Variants in PTGER3 observed in about 807,000 individuals in gnomAD.
PTGER3 encodes the protein prostaglandin E receptor 3.
Under a neutral mutation model 34.7 loss-of-function variants are expected in PTGER3, and 22 were observed. That is an observed-to-expected ratio of 0.63 (90% CI 0.45 to 0.91). The LOEUF (loss-of-function observed/expected upper bound fraction) is 0.91. Among genes scored for constraint, PTGER3 ranks in the 40% least tolerant of loss-of-function variants. The pLI is 0.00. For synonymous variants in PTGER3, 241 were observed against 230.1 expected, an observed-to-expected ratio of 1.05 and a Z score of -0.43; for missense variants, 468 against 519.4, an observed-to-expected ratio of 0.90 and a Z score of 0.96.
At chr1:71,015,464 G>A (rs1001313836) in intron 1 of PTGER3, among the ~76,000 whole-genome samples, 2 of 152,190 alleles carry the variant, frequency 1.3e-5, no homozygotes, top group African/African-American at 2.4e-5. Flanking sequence ...TAACCATCAG[G>A]TTTGAGTATT....
chr1:70,926,240 G>C (rs966702032), intron 4 of PTGER3, among the ~76,000 whole-genome samples: 1 of 152,128 alleles, frequency 6.6e-6, no homozygotes, highest in African/African-American at 2.4e-5. Context: ...GCTTGATGGG[G>C]ATGCCATTGA....
At chr1:70,940,374 G>A (rs183864365) in intron 4 of PTGER3, among the ~76,000 whole-genome samples, 35 of 152,196 alleles carry the variant, frequency 2.3e-4, no homozygotes, top group African/African-American at 5.5e-4. Context: ...TCCAATCTCC[G>A]CCTATTACCT....
rs371626496 is a variant in PTGER3 at position 70,920,034 on chromosome 1, T to C, written c.*23+33729A>G. ...GGCTCACAGTCATTTTCTTGTCTTT[T>C]GCAAATACTCTGTTGATTCTGATAT... On this transcript the variant is annotated intron_variant, in intron 4 of 4. Transcript: ENST00000370931. Among the ~76,000 whole-genome samples the C allele has an allele frequency of 2.7e-4, 41 of 152,286 alleles. No homozygotes were observed. In the East Asian group the frequency reaches 6.4e-3, roughly 24 times the overall value.
chr1:70,941,732 A>G (rs1374672762), intron 4 of PTGER3, among the ~76,000 whole-genome samples: 5 of 152,082 alleles, frequency 3.3e-5, no homozygotes, highest in Non-Finnish European at 7.3e-5. Flanking sequence ...CTATTTCTAA[A>G]ATATCACTGG....
At chr1:70,975,134 T>C (rs1002694751) in intron 2 of PTGER3, among the ~76,000 whole-genome samples, 6 of 152,184 alleles carry the variant, frequency 3.9e-5, no homozygotes, top group Middle Eastern at 3.2e-3. Context: ...TATTGATGTG[T>C]CATTGTACCT....
intron 1 of PTGER3, among the ~76,000 whole-genome samples, chr1:71,043,235 A>T (rs1660466817): frequency 6.6e-6 from 1 of 152,232 alleles, no homozygotes; most frequent in African/African-American, 2.4e-5. Flanking sequence ...TTGCAACAGA[A>T]TGACAATGTG....
intron 4 of PTGER3, among the ~76,000 whole-genome samples, chr1:70,874,269 G>A (rs1646226801): frequency 6.6e-6 from 1 of 152,138 alleles, no homozygotes; most frequent in Non-Finnish European, 1.5e-5. Flanking sequence ...TAGGCAGAAT[G>A]GCAGACCTGA....
chr1:70,946,874 TACTTTATTTTC>T (rs1650275169), intron 4 of PTGER3, among the ~76,000 whole-genome samples: 3 of 152,172 alleles, frequency 2.0e-5, no homozygotes, highest in African/African-American at 7.2e-5. Flanking sequence ...GGTTCTGCTA[TACTTTATTTTC>T]ACTGGTTGAT....
At chr1:70,953,165 CAACATTTACAT>C in intron 3 of PTGER3, 1 of 976,380 alleles carries the variant, frequency 1.0e-6, no homozygotes, top group Non-Finnish European at 1.4e-6. Context: ...ACTATTTATA[CAACATTTACAT>C]TGTATTAGGC....
chr1:71,039,809 A>T (rs1326304930), intron 1 of PTGER3, among the ~76,000 whole-genome samples: 1 of 152,106 alleles, frequency 6.6e-6, no homozygotes, highest in Non-Finnish European at 1.5e-5. Flanking sequence ...TCCTTTCTCC[A>T]GTTTGCTAGG....
intron 4 of PTGER3, among the ~76,000 whole-genome samples, chr1:70,928,377 C>T (rs1648341383): frequency 6.6e-6 from 1 of 151,160 alleles, no homozygotes; most frequent in South Asian, 2.1e-4. Flanking sequence ...CTCATGCTTA[C>T]AATCCCAACT....
At chr1:70,922,178 G>C (rs913256129) in intron 4 of PTGER3, among the ~76,000 whole-genome samples, 1 of 151,998 alleles carries the variant, frequency 6.6e-6, no homozygotes, top group Non-Finnish European at 1.5e-5. Flanking sequence ...TAATGCCTGG[G>C]GACATGTGAA....
At chr1:70,959,503 G>A (rs1042019353) in intron 2 of PTGER3, among the ~76,000 whole-genome samples, 2 of 152,010 alleles carry the variant, frequency 1.3e-5, no homozygotes, top group African/African-American at 2.4e-5. Context: ...TAGGATTACA[G>A]GCAACTGCCA....
chr1:70,916,142 A>G lies in PTGER3; in HGVS notation c.*23+37621T>C, dbSNP rs984521477. On this transcript the variant is annotated intron_variant, in intron 4 of 4. Transcript: ENST00000370931. ...ACAAACATATGAAAAAATGCTTACC[A>G]CCACTAATCATCAGATAAATGCAAA... Among the ~76,000 whole-genome samples the G allele has an allele frequency of 1.2e-4, 18 of 152,046 alleles. 1 individual carries two copies. Among genetic ancestry groups the G allele is most frequent in the Non-Finnish European group, 2.9e-5 (2 of 67,930 alleles).
chr1:70,982,158 A>G (rs1258103142), intron 2 of PTGER3, among the ~76,000 whole-genome samples: 4 of 152,112 alleles, frequency 2.6e-5, no homozygotes, highest in Admixed American at 2.0e-4. Context: ...CTTCAACTTC[A>G]TTCACTTCCC....
At chr1:71,007,596 T>C (rs1030127425) in intron 2 of PTGER3, 4 of 985,422 alleles carry the variant, frequency 4.1e-6, no homozygotes, top group Non-Finnish European at 4.8e-6. Flanking sequence ...CATATCTTTT[T>C]CTATGTTCTC....
rs190201069 is a variant in PTGER3, at chr1:70,931,752, C to T, written c.*23+22011G>A. On this transcript the variant is annotated intron_variant, in intron 4 of 4. Coordinates refer to the PTGER3 transcript ENST00000370931. Reference sequence around the variant, plus strand: ...TGCCCACAGCATGGGAACCCTGACCCTGGTCCACAAAACTGTTTTTTCCTC... The same window carrying T: ...TGCCCACAGCATGGGAACCCTGACCTTGGTCCACAAAACTGTTTTTTCCTC... Among the ~76,000 whole-genome samples the T allele has an allele frequency of 2.0e-5, 3 of 152,148 alleles. No homozygotes were observed. In the East Asian group the frequency reaches 5.8e-4, roughly 29 times the overall value.
intron 2 of PTGER3, among the ~76,000 whole-genome samples, chr1:70,996,669 T>TTATTTATTTATG (rs1256423554): frequency 1.4e-5 from 2 of 146,758 alleles, no homozygotes; most frequent in African/African-American, 5.0e-5. Flanking sequence ...ATTTATTTAT[T>TTATTTATTTATG]TATTTATTTA....
In PTGER3 at chr1:70,876,858, C is replaced by A. The variant is rs57313668; in HGVS notation, c.*24-23999G>T. The stretch of plus-strand genomic sequence containing the variant: ...CACCCTGCCCTTTTGATTACTGTAG[C>A]CTTGTAGTATAGTTTGAAGTTGGGT... On this transcript the variant is annotated intron_variant, in intron 4 of 4. Coordinates refer to the PTGER3 transcript ENST00000370931. Among the ~76,000 whole-genome samples, 2,341 of 152,204 alleles carry A rather than the reference C, an allele frequency of 0.015. 144 individuals carry two copies. In the East Asian group the frequency reaches 0.22, roughly 14 times the overall value.
Sources: gnomAD v4.1 joint callset for allele counts (sites outside exome capture counted in the v4.1 genomes callset) on GRCh38, gnomAD v4.1.1 for gene constraint, MANE v1.5 for transcripts, NCBI Gene and HGNC (gene_info 2026-07-23, HGNC 2026-07-21) for gene names.